EIF4G3: variants seen among roughly 807,000 people sequenced by gnomAD.
The protein encoded by EIF4G3 is eukaryotic translation initiation factor 4 gamma 3, also known as eIF-4-gamma 3.
EIF4G3 carries 34 observed loss-of-function variants against 186.4 expected under a neutral mutation model. The ratio of observed to expected loss-of-function variants is 0.18; its 90% CI spans 0.14 to 0.24. The LOEUF (loss-of-function observed/expected upper bound fraction) is 0.24. Ranked by LOEUF, EIF4G3 falls within the 10% of genes least tolerant of loss-of-function variation. The probability of loss-of-function intolerance (pLI) is 1.00; values close to 1 mark genes in which losing one functional copy is unlikely to be tolerated. For missense variants in EIF4G3, 1,536 were observed against 1,948.5 expected, an observed-to-expected ratio of 0.79 and a Z score of 3.99; for synonymous variants, 673 against 679.5, an observed-to-expected ratio of 0.99 and a Z score of 0.15.
At chr1:20,884,380 TG>T (rs1476572705) in intron 19 of EIF4G3, among the ~76,000 whole-genome samples, 6 of 151,914 alleles carry the variant, frequency 3.9e-5, no homozygotes, top group African/African-American at 9.7e-5. Flanking sequence ...AGTTTCCTCA[TG>T]AAAAAAAAGG....
intron 14 of EIF4G3, among the ~76,000 whole-genome samples, chr1:20,926,680 G>GA (rs376198678): frequency 0.14 from 17,828 of 124,214 alleles, 1,524 homozygotes; most frequent in African/African-American, 0.29. Context: ...AAAAAGAAAA[G>GA]AAAAAAAAAA....
At chr1:20,993,032 C>T (rs919166961) in intron 7 of EIF4G3, among the ~76,000 whole-genome samples, 2 of 152,146 alleles carry the variant, frequency 1.3e-5, no homozygotes, top group African/African-American at 4.8e-5. Flanking sequence ...TATAAAATGA[C>T]TTAGTATTTC....
At chr1:20,865,296 A>C (rs756418783) in intron 20 of EIF4G3, 34 bp from the exon 21 acceptor site, 28 of 1,605,794 alleles carry the variant, frequency 1.7e-5, no homozygotes, top group Non-Finnish European at 2.4e-5. Flanking sequence ...AAAAATCAAC[A>C]AGATTACTTA....
At chr1:20,862,451 C>T (rs1202537602) in intron 22 of EIF4G3, 119 bp from the exon 23 acceptor site, 11 of 617,382 alleles carry the variant, frequency 1.8e-5, no homozygotes, top group Non-Finnish European at 2.9e-5. Context: ...GGTTTCACTC[C>T]GTTGCCCAGG....
At position 20,957,488 on chromosome 1, in the gene EIF4G3, C is replaced by T. The variant is rs528243018; in HGVS notation, c.715-7377G>A. Among the ~76,000 whole-genome samples the T allele has an allele frequency of 5.1e-5, 7 of 136,692 alleles. No individual in the cohort carries two copies. In the Admixed American group the frequency reaches 5.2e-4, roughly 10 times the overall value. The allele number at this position is 136,692 out of a possible 152,430, so 89.7% of individuals were successfully genotyped here. A position where few individuals can be genotyped will look rare whatever the true frequency, so the allele number is the denominator to read the frequency against. On this transcript the variant is annotated intron_variant, in intron 12 of 36. Coordinates refer to ENST00000602326, the MANE Select transcript of EIF4G3 (RefSeq NM_001391906.1). ...GTCATACCTCAAGGAATTAGAAAAA[C>T]AAGCACAAGCACAAACTAAACAAGA...
intron 29 of EIF4G3, among the ~76,000 whole-genome samples, chr1:20,843,977 G>T (rs1221425933): frequency 2.0e-5 from 3 of 152,180 alleles, no homozygotes; most frequent in African/African-American, 7.2e-5. Flanking sequence ...CCCTGCAAAG[G>T]AAAGGATCTT....
At chr1:21,126,610 C>A (rs1026897538) in intron 2 of EIF4G3, among the ~76,000 whole-genome samples, 1 of 151,648 alleles carries the variant, frequency 6.6e-6, no homozygotes, top group Non-Finnish European at 1.5e-5. Flanking sequence ...GATCTATGAC[C>A]ATGCCACTGC....
At chr1:21,122,078 C>T (rs1462416728) in intron 2 of EIF4G3, among the ~76,000 whole-genome samples, 1 of 152,166 alleles carries the variant, frequency 6.6e-6, no homozygotes, top group Non-Finnish European at 1.5e-5. Context: ...CACATGAGCT[C>T]CAGTCCCAAC....
At chr1:20,966,034 G>GT (rs532666781) in intron 12 of EIF4G3, among the ~76,000 whole-genome samples, 29 of 152,218 alleles carry the variant, frequency 1.9e-4, no homozygotes, top group African/African-American at 7.0e-4. Flanking sequence ...CCATTAATGG[G>GT]TCTCTGGTAT....
intron 2 of EIF4G3, among the ~76,000 whole-genome samples, chr1:21,172,830 C>A (rs2098011894): frequency 6.7e-6 from 1 of 149,708 alleles, no homozygotes; most frequent in Admixed American, 6.7e-5. Flanking sequence ...TTACAGGAAT[C>A]CTCTCCATTG....
intron 2 of EIF4G3, among the ~76,000 whole-genome samples, chr1:21,151,239 T>TTTTTTC (rs1269914231): frequency 9.0e-6 from 1 of 110,902 alleles, no homozygotes; most frequent in Non-Finnish European, 1.9e-5. Flanking sequence ...TTTCTTTCTT[T>TTTTTTC]TTTTTTTTTT....
At chr1:20,997,057 T>C (rs1449919585) in intron 7 of EIF4G3, among the ~76,000 whole-genome samples, 1 of 152,170 alleles carries the variant, frequency 6.6e-6, no homozygotes, top group African/African-American at 2.4e-5. Flanking sequence ...TTAAATTAAT[T>C]AAGATATCTA....
chr1:20,941,796 A>G lies in EIF4G3; in HGVS notation c.1358T>C (p.Met453Thr). The G allele has an allele frequency of 6.2e-7, 1 of 1,613,374 alleles. No homozygotes were observed. The change falls in exon 14 of 37, where the codon ATG becomes ACG. Residue 453 changes from methionine to threonine, a missense_variant. By Grantham distance (81) the Met-to-Thr change is moderately conservative. Transcript: ENST00000602326. Reference protein sequence around the residue: ...LEILENPPEEMKLECIPAPIT... With the variant: ...LEILENPPEETKLECIPAPIT... Reference sequence around the variant, plus strand: ...GGGAGCTGGGATACACTCCAGTTTCATTTCTTCTGGGGGATTTTCGAGAAT... The same window carrying G: ...GGGAGCTGGGATACACTCCAGTTTCGTTTCTTCTGGGGGATTTTCGAGAAT...
chr1:21,017,021 T>A (rs78685665), intron 4 of EIF4G3, among the ~76,000 whole-genome samples: 2 of 152,104 alleles, frequency 1.3e-5, no homozygotes, highest in African/African-American at 4.8e-5. Flanking sequence ...CCCATGTTCA[T>A]ATCAGCATTA....
At chr1:20,866,027 T>A (rs1160248023) in intron 20 of EIF4G3, among the ~76,000 whole-genome samples, 5 of 152,182 alleles carry the variant, frequency 3.3e-5, no homozygotes, top group African/African-American at 1.2e-4. Flanking sequence ...TACTAAAATA[T>A]TCTAATTTAC....
chr1:20,961,918 CTGTA>C (rs759708911), intron 12 of EIF4G3, among the ~76,000 whole-genome samples: 4 of 152,126 alleles, frequency 2.6e-5, no homozygotes, highest in Non-Finnish European at 5.9e-5. Flanking sequence ...AAAACCATAC[CTGTA>C]TGCTTTAAGG....
chr1:21,136,394 G>A (rs2097247282), intron 2 of EIF4G3, among the ~76,000 whole-genome samples: 1 of 151,994 alleles, frequency 6.6e-6, no homozygotes, highest in Non-Finnish European at 1.5e-5. Flanking sequence ...GTGGATGCCT[G>A]TAATCCCAGC....
At chr1:21,162,705 G>A (rs2097786716) in intron 2 of EIF4G3, among the ~76,000 whole-genome samples, 1 of 150,722 alleles carries the variant, frequency 6.6e-6, no homozygotes, top group Non-Finnish European at 1.5e-5. Flanking sequence ...CCAAGATGGT[G>A]CCATTGCACT....
chr1:20,884,830 G>C (rs557998368), intron 19 of EIF4G3, among the ~76,000 whole-genome samples: 1 of 152,234 alleles, frequency 6.6e-6, no homozygotes, highest in South Asian at 2.1e-4. Flanking sequence ...ATTATTTACT[G>C]AGAATTTACT....
Sources: gnomAD v4.1 joint callset for allele counts (sites outside exome capture counted in the v4.1 genomes callset) on GRCh38, gnomAD v4.1.1 for gene constraint, MANE v1.5 for transcripts, NCBI Gene and HGNC (gene_info 2026-07-23, HGNC 2026-07-21) for gene names.